The following SYNE1 variants were observed in gnomAD, a reference collection of about 807,000 sequenced individuals.
SYNE1 encodes the protein spectrin repeat containing nuclear envelope protein 1, also known as nesprin-1.
A neutral mutation model predicts 1,111.0 loss-of-function variants in SYNE1; 616 were observed. The observed-to-expected ratio is 0.55, with a 90% CI of 0.52 to 0.59. SYNE1 has a LOEUF of 0.59. SYNE1 is among the 20% of genes least tolerant of loss of function. SYNE1 has a pLI of 0.00. For missense variants in SYNE1, 10,006 were observed against 10,417.0 expected (o/e 0.96, Z 1.72); for synonymous variants, 3,855 against 3,825.8 (o/e 1.01, Z -0.28).
chr6:152,482,613 A>G (rs1179719672), intron 14 of SYNE1, among the ~76,000 whole-genome samples: 1 of 152,134 alleles, frequency 6.6e-6, no homozygotes, highest in African/African-American at 2.4e-5. Context: ...AAAACATCCC[A>G]AATGACTAAG....
At chr6:152,373,243 G>A in intron 58 of SYNE1, 24 bp from the exon 59 acceptor site, 1 of 1,583,698 alleles carries the variant, frequency 6.3e-7, no homozygotes, top group East Asian at 2.2e-5. Context: ...TATAGAATTA[G>A]CCATAATGAA....
chr6:152,369,982 CAAAAAAAAA>C (rs778013525), intron 59 of SYNE1, among the ~76,000 whole-genome samples: 6 of 49,986 alleles, frequency 1.2e-4, no homozygotes, highest in Non-Finnish European at 1.7e-4. Context: ...GACTCTGTCT[CAAAAAAAAA>C]AAAAAAAAAA....
chr6:152,237,499 A>G (rs1439248906), intron 108 of SYNE1, among the ~76,000 whole-genome samples: 1 of 151,086 alleles, frequency 6.6e-6, no homozygotes, highest in Non-Finnish European at 1.5e-5. Flanking sequence ...TTTTTTGTAG[A>G]GATGGGGGTC....
intron 3 of SYNE1, among the ~76,000 whole-genome samples, chr6:152,567,240 T>C (rs2099416902): frequency 6.6e-6 from 1 of 152,216 alleles, no homozygotes; most frequent in South Asian, 2.1e-4. Context: ...TTTTAAAAGC[T>C]GAATAATATT....
intron 16 of SYNE1, 74 bp from the exon 17 acceptor site, chr6:152,466,152 T>C (rs879015291): frequency 2.1e-6 from 2 of 939,698 alleles, no homozygotes; most frequent in Non-Finnish European, 3.4e-6. Flanking sequence ...TTTTCTTCAG[T>C]ATAGCTATAA....
intron 128 of SYNE1, among the ~76,000 whole-genome samples, chr6:152,182,023 C>T (rs1360672482): frequency 6.6e-6 from 1 of 152,182 alleles, no homozygotes; most frequent in East Asian, 1.9e-4. Context: ...TGAGACTCTT[C>T]ATGTTTCTTA....
At chr6:152,602,319 C>T (rs2099598099) in intron 3 of SYNE1, among the ~76,000 whole-genome samples, 3 of 152,030 alleles carry the variant, frequency 2.0e-5, no homozygotes, top group Admixed American at 1.3e-4. Flanking sequence ...ACAGAAATAC[C>T]CATAGGAAGA....
At chr6:152,243,652 A>G (rs2086339895) in intron 106 of SYNE1, among the ~76,000 whole-genome samples, 1 of 152,230 alleles carries the variant, frequency 6.6e-6, no homozygotes, top group Non-Finnish European at 1.5e-5. Flanking sequence ...TGTTAGATAA[A>G]GGACAGATAC....
At chr6:152,338,248 T>C (rs2096450564) in intron 75 of SYNE1, among the ~76,000 whole-genome samples, 1 of 151,948 alleles carries the variant, frequency 6.6e-6, no homozygotes, top group African/African-American at 2.4e-5. Context: ...TATTTTGACA[T>C]TTTTTTCCTG....
At chr6:152,206,900 C>T (rs951229596) in intron 125 of SYNE1, among the ~76,000 whole-genome samples, 9 of 152,170 alleles carry the variant, frequency 5.9e-5, no homozygotes, top group African/African-American at 1.9e-4. Context: ...GAGATGAGGC[C>T]AGACGACATC....
intron 95 of SYNE1, among the ~76,000 whole-genome samples, chr6:152,286,061 C>A (rs73623014): frequency 0.053 from 8,128 of 152,264 alleles, 717 homozygotes; most frequent in African/African-American, 0.19. Context: ...AAGTGCAGTG[C>A]CTCCTCAGAG....
chr6:152,353,235 G>A, intron 69 of SYNE1, 28 bp downstream of exon 69: 1 of 1,613,840 alleles, frequency 6.2e-7, no homozygotes, highest in Non-Finnish European at 8.5e-7. Flanking sequence ...GGAAAGGTTG[G>A]ATACAAATCT....
At chr6:152,289,133 C>T (rs2094462998) in intron 95 of SYNE1, among the ~76,000 whole-genome samples, 1 of 152,088 alleles carries the variant, frequency 6.6e-6, no homozygotes, top group South Asian at 2.1e-4. Context: ...ATTTAGCCAT[C>T]AAATATGTCT....
intron 59 of SYNE1, among the ~76,000 whole-genome samples, chr6:152,372,723 A>G (rs1014997418): frequency 1.3e-5 from 2 of 152,220 alleles, no homozygotes; most frequent in African/African-American, 4.8e-5. Context: ...ACCACCTTCC[A>G]GAAATGAGAC....
chr6:152,276,986 G>A (rs1173752903), intron 98 of SYNE1, among the ~76,000 whole-genome samples: 1 of 150,498 alleles, frequency 6.6e-6, no homozygotes, highest in Admixed American at 6.7e-5. Flanking sequence ...CCAGGTTCAG[G>A]TTCAGGAGAT....
At chr6:152,579,501 T>C (rs150458474) in intron 3 of SYNE1, among the ~76,000 whole-genome samples, 350 of 152,336 alleles carry the variant, frequency 2.3e-3, no homozygotes, top group African/African-American at 7.8e-3. Flanking sequence ...CCTTTCTTAT[T>C]GTGTCACTTT....
At chr6:152,288,536 G>A (rs968443659) in intron 95 of SYNE1, among the ~76,000 whole-genome samples, 1 of 152,168 alleles carries the variant, frequency 6.6e-6, no homozygotes, top group Non-Finnish European at 1.5e-5. Context: ...ATCTGGAACT[G>A]TTCACTTAAA....
intron 14 of SYNE1, chr6:152,481,248 G>C: frequency 4.7e-6 from 1 of 211,950 alleles, no homozygotes; most frequent in South Asian, 7.4e-5. Context: ...CAGACCTCTA[G>C]ATTGGAGGCA....
At chr6:152,167,940 C>CA in intron 130 of SYNE1, 2 of 773,238 alleles carry the variant, frequency 2.6e-6, no homozygotes, top group South Asian at 2.7e-5. Flanking sequence ...TACTAGAAAA[C>CA]AAACCAACGA....
Sources: gnomAD v4.1 joint callset for allele counts (sites outside exome capture counted in the v4.1 genomes callset) on GRCh38, gnomAD v4.1.1 for gene constraint, MANE v1.5 for transcripts, NCBI Gene and HGNC (gene_info 2026-07-23, HGNC 2026-07-21) for gene names.